Variants in PCDH9 observed in about 807,000 individuals in gnomAD.
The protein encoded by PCDH9 is protocadherin-9.
Under a neutral mutation model 70.6 loss-of-function variants are expected in PCDH9, and 24 were observed. That is an observed-to-expected ratio of 0.34 (90% CI 0.25 to 0.48). The LOEUF (loss-of-function observed/expected upper bound fraction) is 0.48, where lower values mean the gene tolerates loss of function less well. Among genes scored for constraint, PCDH9 ranks in the 20% least tolerant of loss-of-function variants. The pLI is 0.99. For missense variants in PCDH9, 1,281 were observed against 1,503.6 expected (o/e 0.85, Z 2.45); for synonymous variants, 562 against 558.5 (o/e 1.01, Z -0.09).
chr13:66,773,734 C>A (rs1248548896), intron 3 of PCDH9, among the ~76,000 whole-genome samples: 1 of 151,484 alleles, frequency 6.6e-6, no homozygotes, highest in East Asian at 1.9e-4. Flanking sequence ...TATTAGAAAG[C>A]AGAAGATGGT....
At chr13:66,999,374 T>A (rs565641942) in intron 2 of PCDH9, among the ~76,000 whole-genome samples, 31 of 152,236 alleles carry the variant, frequency 2.0e-4, no homozygotes, top group Admixed American at 4.6e-4. Flanking sequence ...CAATTATAGT[T>A]CTAAGGACTA....
intron 3 of PCDH9, among the ~76,000 whole-genome samples, chr13:66,751,146 T>C (rs1380406613): frequency 6.6e-6 from 1 of 152,192 alleles, no homozygotes; most frequent in Non-Finnish European, 1.5e-5. Context: ...CCTTAGCATC[T>C]ATATTTCATA....
chr13:66,645,609 A>G (rs2077760966), intron 3 of PCDH9, among the ~76,000 whole-genome samples: 2 of 152,168 alleles, frequency 1.3e-5, no homozygotes, highest in Admixed American at 6.5e-5. Context: ...ATAGAAGGAT[A>G]TAAGATACAC....
At chr13:66,331,407 G>A (rs372751661) in intron 4 of PCDH9, among the ~76,000 whole-genome samples, 7 of 152,240 alleles carry the variant, frequency 4.6e-5, no homozygotes, top group East Asian at 1.9e-4. Flanking sequence ...GAGCGCCAGA[G>A]GAGAAGTAAA....
intron 2 of PCDH9, among the ~76,000 whole-genome samples, chr13:66,946,846 T>A (rs2083096232): frequency 6.6e-6 from 1 of 152,154 alleles, no homozygotes; most frequent in African/African-American, 2.4e-5. Flanking sequence ...CCAAAAAATA[T>A]GACTTTCTTC....
At chr13:66,794,621 A>G (rs146154642) in intron 3 of PCDH9, among the ~76,000 whole-genome samples, 25 of 152,260 alleles carry the variant, frequency 1.6e-4, no homozygotes, top group South Asian at 4.1e-4. Context: ...TCTGTGGATT[A>G]AAGTTCAGAT....
intron 2 of PCDH9, among the ~76,000 whole-genome samples, chr13:66,968,857 A>G (rs981812187): frequency 2.0e-5 from 3 of 151,986 alleles, no homozygotes; most frequent in African/African-American, 7.2e-5. Context: ...TGCTATTCAC[A>G]TTTTTTAGAA....
chr13:66,766,065 T>C (rs1380003229), intron 3 of PCDH9, among the ~76,000 whole-genome samples: 2 of 152,004 alleles, frequency 1.3e-5, no homozygotes, highest in African/African-American at 4.8e-5. Flanking sequence ...ACATGAAAAA[T>C]TATTTTAAAT....
intron 4 of PCDH9, among the ~76,000 whole-genome samples, chr13:66,372,988 T>C (rs1044578370): frequency 1.3e-5 from 2 of 151,832 alleles, no homozygotes; most frequent in African/African-American, 4.8e-5. Context: ...ATAATACATA[T>C]CCAAAAGAAT....
At chr13:67,051,377 A>G (rs1282710880) in intron 2 of PCDH9, among the ~76,000 whole-genome samples, 1 of 128,066 alleles carries the variant, frequency 7.8e-6, no homozygotes, top group Non-Finnish European at 1.7e-5. Flanking sequence ...GGAAAACAAT[A>G]CAAGATTTTT....
chr13:66,304,714 G>A lies in PCDH9; in HGVS notation c.3655C>T (p.Leu1219=), dbSNP rs1955430903. Reference sequence around the variant, plus strand: ...CCTCCTGCTTGCTTATAAGACTTCAGATTTGCCAGAGGAATGTCTGTCATG... The same window carrying A: ...CCTCCTGCTTGCTTATAAGACTTCAAATTTGCCAGAGGAATGTCTGTCATG... The part of the protein sequence containing the change: ...SHMTDIPLAN[L]KSYKQAGGAT... The change falls in exon 5 of 5, where the codon CTG becomes TTG. Residue 1219 remains leucine, a synonymous_variant. Transcript: ENST00000377865. 1 of 1,613,250 alleles carries A rather than the reference G, an allele frequency of 6.2e-7. No homozygotes were observed. The highest frequency in any genetic ancestry group is 1.3e-5 in the African/African-American group (1 of 74,958).
chr13:67,151,734 A>G (rs1418854986), intron 2 of PCDH9, among the ~76,000 whole-genome samples: 1 of 143,978 alleles, frequency 6.9e-6, no homozygotes, highest in Non-Finnish European at 1.6e-5. Flanking sequence ...GAGGCACATA[A>G]TAATTGAGAG....
At chr13:66,514,419 A>G (rs978707969) in intron 4 of PCDH9, among the ~76,000 whole-genome samples, 1 of 151,666 alleles carries the variant, frequency 6.6e-6, no homozygotes, top group Admixed American at 6.6e-5. Flanking sequence ...GTAGACAGAG[A>G]ATGGCAGTGT....
chr13:66,696,267 AG>A (rs1181751549), intron 3 of PCDH9, among the ~76,000 whole-genome samples: 1 of 152,208 alleles, frequency 6.6e-6, no homozygotes, highest in African/African-American at 2.4e-5. Context: ...ACTAAATTGA[AG>A]ATCACTGAAA....
At chr13:67,049,230 C>T (rs1344645788) in intron 2 of PCDH9, among the ~76,000 whole-genome samples, 2 of 152,142 alleles carry the variant, frequency 1.3e-5, no homozygotes, top group Non-Finnish European at 2.9e-5. Flanking sequence ...CTAATGAGTT[C>T]ATGGGCCCAG....
intron 3 of PCDH9, among the ~76,000 whole-genome samples, chr13:66,749,473 C>T (rs1594003810): frequency 1.3e-5 from 2 of 152,112 alleles, no homozygotes; most frequent in African/African-American, 4.8e-5. Flanking sequence ...GACCTAAGCA[C>T]TACAACCTGA....
intron 3 of PCDH9, among the ~76,000 whole-genome samples, chr13:66,745,877 C>A (rs905761970): frequency 5.9e-5 from 9 of 152,072 alleles, no homozygotes; most frequent in African/African-American, 2.2e-4. Flanking sequence ...TTAGAATTTG[C>A]CAACAAGGAG....
chr13:66,318,455 C>T (rs957282022), intron 4 of PCDH9, among the ~76,000 whole-genome samples: 16 of 152,234 alleles, frequency 1.1e-4, no homozygotes, highest in Admixed American at 7.2e-4. Context: ...CACTTTTATA[C>T]AAGGCATGAA....
intron 4 of PCDH9, among the ~76,000 whole-genome samples, chr13:66,555,899 A>T (rs922420672): frequency 3.4e-5 from 5 of 148,248 alleles, no homozygotes; most frequent in African/African-American, 1.2e-4. Flanking sequence ...TTATATATAT[A>T]TATAAGATAT....
Sources: allele counts gnomAD v4.1 joint callset (sites outside exome capture counted in the v4.1 genomes callset), GRCh38; gene constraint gnomAD v4.1.1; transcripts MANE v1.5; gene names NCBI Gene and HGNC (gene_info 2026-07-23, HGNC 2026-07-21).